RANBP2: variants seen among roughly 807,000 people sequenced by gnomAD.
RANBP2 encodes the protein RAN binding protein 2, also known as E3 SUMO-protein ligase RanBP2.
A neutral mutation model predicts 303.6 loss-of-function variants in RANBP2; 57 were observed. The ratio of observed to expected loss-of-function variants is 0.19; its 90% CI spans 0.15 to 0.23. The LOEUF (loss-of-function observed/expected upper bound fraction) is 0.23. RANBP2 is among the 10% of genes least tolerant of loss of function. The pLI is 1.00. For synonymous variants in RANBP2, 1,167 were observed against 1,301.5 expected (o/e 0.90, Z 2.23); for missense variants, 3,138 against 3,780.8 (o/e 0.83, Z 4.46).
the RANBP2 span, among the ~76,000 whole-genome samples, chr2:109,098,761 T>C: frequency 1.3e-5 from 2 of 152,226 alleles, no homozygotes; most frequent in African/African-American, 4.8e-5. Context: ...TTTAGCAGAA[T>C]CCTTACCAGT....
the RANBP2 span, among the ~76,000 whole-genome samples, chr2:109,568,368 A>G: frequency 1.4e-5 from 2 of 145,472 alleles, no homozygotes; most frequent in Non-Finnish European, 3.0e-5. Context: ...TGCCAGCCAC[A>G]CAATCTTTTT....
the RANBP2 span, among the ~76,000 whole-genome samples, chr2:109,460,205 G>A: frequency 1.1e-4 from 16 of 152,288 alleles, no homozygotes; most frequent in South Asian, 2.7e-3. Flanking sequence ...TGAAGTCCAT[G>A]GATATTCACT....
chr2:108,972,890 G>A, the RANBP2 span, among the ~76,000 whole-genome samples: 1 of 152,228 alleles, frequency 6.6e-6, no homozygotes, highest in Non-Finnish European at 1.5e-5. Flanking sequence ...AGAGCTCTCT[G>A]AGCTGGGCAC....
At chr2:109,064,147 T>G in the RANBP2 span, among the ~76,000 whole-genome samples, 1 of 152,198 alleles carries the variant, frequency 6.6e-6, no homozygotes, top group Non-Finnish European at 1.5e-5. Context: ...TATTCCCATT[T>G]TAGACATGAA....
At chr2:109,274,991 A>G in the RANBP2 span, among the ~76,000 whole-genome samples, 1 of 152,224 alleles carries the variant, frequency 6.6e-6, no homozygotes, top group African/African-American at 2.4e-5. Flanking sequence ...GCATCAATAA[A>G]AGAGCTAGTT....
At chr2:109,331,959 C>T in the RANBP2 span, among the ~76,000 whole-genome samples, 1,174 of 152,314 alleles carry the variant, frequency 7.7e-3, 14 homozygotes, top group African/African-American at 0.027. Flanking sequence ...TCCGATGGGT[C>T]TTCCTGGTGC....
At chr2:108,806,318 A>C in the RANBP2 span, among the ~76,000 whole-genome samples, 1 of 152,286 alleles carries the variant, frequency 6.6e-6, no homozygotes, top group South Asian at 2.1e-4. Context: ...GCCCATACCT[A>C]TCTCTTAGGT....
In RANBP2 at chr2:108,770,073, T is replaced by A. The variant is rs567017456; in HGVS notation, c.7850-1628T>A. 4.3e-4 allele frequency among the ~76,000 whole-genome samples: 65 copies of A among 152,374 alleles called. 1 individual carries two copies. In the South Asian group the frequency reaches 5.8e-3, roughly 14 times the overall value. On this transcript the variant is annotated intron_variant, in intron 20 of 28. Transcript: ENST00000283195. ...GTTAACTTAAAAGTGGATGTATACT[T>A]GCGTACAGTTTCTGTGAGCTCTAGG...
chr2:109,705,152 C>T, the RANBP2 span, among the ~76,000 whole-genome samples: 1 of 151,596 alleles, frequency 6.6e-6, no homozygotes, highest in Non-Finnish European at 1.5e-5. Context: ...TGCCTGTAAT[C>T]CCACCACTTT....
the RANBP2 span, among the ~76,000 whole-genome samples, chr2:108,973,487 C>T: frequency 1.3e-5 from 2 of 152,178 alleles, no homozygotes; most frequent in East Asian, 3.9e-4. Context: ...CTTTCCAGTA[C>T]CTGAGGATGC....
chr2:109,573,653 T>C, the RANBP2 span, among the ~76,000 whole-genome samples: 1 of 152,204 alleles, frequency 6.6e-6, no homozygotes, highest in Non-Finnish European at 1.5e-5. Context: ...TAATTCAACT[T>C]ATACAGTTAG....
the RANBP2 span, among the ~76,000 whole-genome samples, chr2:109,561,482 C>T: frequency 1.8e-4 from 27 of 152,260 alleles, no homozygotes; most frequent in Admixed American, 1.8e-3. Context: ...ATAGTAATCT[C>T]TAGCATTTAG....
chr2:109,328,021 C>A, the RANBP2 span, among the ~76,000 whole-genome samples: 1 of 152,200 alleles, frequency 6.6e-6, no homozygotes, highest in Non-Finnish European at 1.5e-5. Context: ...ATATGTCCCT[C>A]CACTTTTTTT....
chr2:108,867,215 G>A, the RANBP2 span, among the ~76,000 whole-genome samples: 2 of 152,240 alleles, frequency 1.3e-5, no homozygotes, highest in East Asian at 1.9e-4. Flanking sequence ...GCAGTGATAA[G>A]AGGAATAACT....
the RANBP2 span, among the ~76,000 whole-genome samples, chr2:109,248,297 T>C: frequency 6.6e-6 from 1 of 152,258 alleles, no homozygotes; most frequent in African/African-American, 2.4e-5. Flanking sequence ...ATTTTGGCTA[T>C]TGTTTTAAAA....
the RANBP2 span, among the ~76,000 whole-genome samples, chr2:109,278,410 A>G: frequency 6.6e-6 from 1 of 152,180 alleles, no homozygotes; most frequent in Non-Finnish European, 1.5e-5. Context: ...GAATGGGATA[A>G]TTTCATCTAA....
At chr2:109,561,504 A>C in the RANBP2 span, among the ~76,000 whole-genome samples, 2 of 152,124 alleles carry the variant, frequency 1.3e-5, no homozygotes, top group African/African-American at 4.8e-5. Context: ...AGAGCCTTTT[A>C]AAAAAATACT....
chr2:109,395,910 A>T, the RANBP2 span, among the ~76,000 whole-genome samples: 1 of 152,208 alleles, frequency 6.6e-6, no homozygotes, highest in East Asian at 1.9e-4. Flanking sequence ...CCAACTCAAA[A>T]GGGTCACAGG....
the RANBP2 span, among the ~76,000 whole-genome samples, chr2:109,557,182 T>A: frequency 2.6e-5 from 4 of 151,942 alleles, no homozygotes; most frequent in African/African-American, 7.3e-5. Flanking sequence ...AAAAAAAATT[T>A]AAAAAAAATT....
Sources: allele counts gnomAD v4.1 joint callset (sites outside exome capture counted in the v4.1 genomes callset), GRCh38; gene constraint gnomAD v4.1.1; transcripts MANE v1.5; gene names NCBI Gene and HGNC (gene_info 2026-07-23, HGNC 2026-07-21).